RHCG: variants seen among roughly 807,000 people sequenced by gnomAD.
RHCG encodes the protein ammonium transporter Rh type C.
Under a neutral mutation model 55.3 loss-of-function variants are expected in RHCG, and 39 were observed. That is an observed-to-expected ratio of 0.70 (90% CI 0.55 to 0.92). The LOEUF (loss-of-function observed/expected upper bound fraction) is 0.92, where lower values mean the gene tolerates loss of function less well. Among genes scored for constraint, RHCG ranks in the 40% least tolerant of loss-of-function variants. The pLI is 0.00. For synonymous variants in RHCG, 250 were observed against 246.8 expected (o/e 1.01, Z -0.12); for missense variants, 635 against 627.9 (o/e 1.01, Z -0.12).
intron 3 of RHCG, 120 bp from the exon 4 acceptor site, chr15:89,480,528 G>T: frequency 8.4e-7 from 1 of 1,189,704 alleles, no homozygotes; most frequent in Non-Finnish European, 1.2e-6. Context: ...TCTTCAGGGT[G>T]CAGGATGGAG....
chr15:89,496,568 T>G lies in RHCG; in HGVS notation c.-24A>C, dbSNP rs769754990. 3.8e-6 allele frequency: 6 copies of G among 1,599,412 alleles called. No homozygotes were observed. The highest frequency in any genetic ancestry group is 5.1e-6 in the Non-Finnish European group (6 of 1,173,710). ...ATGCTGCAGGGGTGCCTGGCCGGGC[T>G]GGCAGCGGGCGGTTCGGACGCTCGG... On this transcript the variant is annotated 5_prime_UTR_variant, in exon 1 of 11. Coordinates refer to ENST00000268122, the MANE Select transcript of RHCG (RefSeq NM_016321.3).
At chr15:89,474,634 A>C (rs2141886024) in intron 9 of RHCG, among the ~76,000 whole-genome samples, 1 of 152,364 alleles carries the variant, frequency 6.6e-6, no homozygotes, top group Non-Finnish European at 1.5e-5. Flanking sequence ...GTGACATTCC[A>C]CCACTTTCAT....
At chr15:89,479,666 C>T (rs1318478605) in intron 4 of RHCG, 178 bp from the exon 5 acceptor site, 7 of 614,076 alleles carry the variant, frequency 1.1e-5, no homozygotes, top group Non-Finnish European at 1.4e-5. Context: ...GCCTTCCTTA[C>T]CCCCCACTTA....
intron 1 of RHCG, 27 bp from the exon 2 acceptor site, chr15:89,487,012 C>G (rs747339108): frequency 6.6e-7 from 1 of 1,520,864 alleles, no homozygotes; most frequent in Non-Finnish European, 8.9e-7. Flanking sequence ...GCCCGGGACT[C>G]GGTGGTCTGG....
chr15:89,475,016 T>TCCTTCCTTCCTGCCCG (rs1335449433), intron 9 of RHCG, among the ~76,000 whole-genome samples: 13 of 132,812 alleles, frequency 9.8e-5, no homozygotes, highest in African/African-American at 4.0e-4. Flanking sequence ...CTGCCCGCCT[T>TCCTTCCTTCCTGCCCG]CCTTCCTTCC....
chr15:89,492,224 C>G (rs1331628347), intron 1 of RHCG, among the ~76,000 whole-genome samples: 2 of 152,160 alleles, frequency 1.3e-5, no homozygotes, highest in African/African-American at 4.8e-5. Context: ...GCTGTTCTCC[C>G]TCTCCCCTTA....
intron 5 of RHCG, among the ~76,000 whole-genome samples, chr15:89,478,396 T>C (rs1961197919): frequency 6.6e-6 from 1 of 152,230 alleles, no homozygotes; most frequent in African/African-American, 2.4e-5. Flanking sequence ...GCTGTCTGAA[T>C]GCTAACCTGT....
chr15:89,473,797 C>A (rs1961083471), intron 9 of RHCG, among the ~76,000 whole-genome samples: 1 of 152,120 alleles, frequency 6.6e-6, no homozygotes, highest in African/African-American at 2.4e-5. Flanking sequence ...TGTAACCAAT[C>A]CCCTGAGGTT....
At chr15:89,486,749 G>A in intron 2 of RHCG, 50 bp downstream of exon 2, 1 of 1,546,240 alleles carries the variant, frequency 6.5e-7, no homozygotes, top group Non-Finnish European at 8.8e-7. Flanking sequence ...CACCTGCCCA[G>A]CCCCATCCCT....
At chr15:89,486,659 CCA>C in intron 2 of RHCG, 138 bp downstream of exon 2, 2 of 440,592 alleles carry the variant, frequency 4.5e-6, no homozygotes, top group Middle Eastern at 6.3e-4. Flanking sequence ...TCTCGCAAGC[CCA>C]GTGTGGCCCA....
chr15:89,496,249 TCCGCGGCTGCAGG>T, intron 1 of RHCG, 99 bp downstream of exon 1: 1 of 1,058,962 alleles, frequency 9.4e-7, no homozygotes, highest in Admixed American at 2.0e-5. Flanking sequence ...AGATGCGGAG[TCCGCGGCTGCAGG>T]GTAGATCCCC....
At position 89,472,843 on chromosome 15, in the gene RHCG, A is replaced by G; in HGVS notation, c.1332T>C (p.Thr444=). ...AGGTGGGGTCCTCAGGGATGTAGAC[A>G]GTGCTGTTCCCTTCAGGCATCTACA... ...VYWEMPEGNS[T]VYIPEDPTFK... The change falls in exon 10 of 11, where the codon ACT becomes ACC. Residue 444 remains threonine (T), a synonymous_variant. Coordinates refer to ENST00000268122, the MANE Select transcript of RHCG (RefSeq NM_016321.3). 1 of 1,509,456 alleles carries G rather than the reference A, an allele frequency of 6.6e-7. No individual in the cohort carries two copies. The highest frequency in any genetic ancestry group is 8.9e-7 in the Non-Finnish European group (1 of 1,121,996). The allele number at this position is 1,509,456 out of a possible 1,614,324, so 93.5% of individuals were successfully genotyped here.
chr15:89,486,791 G>A lies in RHCG; in HGVS notation c.371+8C>T, dbSNP rs780932313. Reference sequence around the variant, plus strand: ...CCGCCACGCCCCCGGGGCCCGCCCTGCGCTCACTTCTCCACGCCCACGACG... The same window carrying A: ...CCGCCACGCCCCCGGGGCCCGCCCTACGCTCACTTCTCCACGCCCACGACG... On this transcript the variant is annotated splice_region_variant and intron_variant, in intron 2 of 10. Transcript: ENST00000268122. 2.5e-6 allele frequency: 4 copies of A among 1,580,704 alleles called. No individual in the cohort carries two copies. The highest frequency in any genetic ancestry group is 3.5e-6 in the Non-Finnish European group (4 of 1,157,478).
At chr15:89,494,035 G>C (rs965464329) in intron 1 of RHCG, among the ~76,000 whole-genome samples, 2 of 152,070 alleles carry the variant, frequency 1.3e-5, no homozygotes, top group Admixed American at 1.3e-4. Flanking sequence ...ACTAGCAGGG[G>C]AAACTCAAGG....
chr15:89,496,316 C>T, intron 1 of RHCG, 45 bp downstream of exon 1: 1 of 1,604,482 alleles, frequency 6.2e-7, no homozygotes, highest in Non-Finnish European at 8.5e-7. Flanking sequence ...AGGTGGGGAC[C>T]GGCGCGGATA....
chr15:89,481,261 C>G (rs1961261860), intron 3 of RHCG, among the ~76,000 whole-genome samples: 1 of 152,166 alleles, frequency 6.6e-6, no homozygotes, highest in African/African-American at 2.4e-5. Flanking sequence ...ACCAGCCTGG[C>G]TAACATGGCG....
At chr15:89,487,086 G>C (rs1364939524) in intron 1 of RHCG, 101 bp from the exon 2 acceptor site, 2 of 1,090,630 alleles carry the variant, frequency 1.8e-6, no homozygotes, top group Non-Finnish European at 2.5e-6. Context: ...AGTCTTCCCC[G>C]CCACTGGCGC....
intron 5 of RHCG, 98 bp downstream of exon 5, chr15:89,479,224 G>T: frequency 3.9e-6 from 5 of 1,267,090 alleles, no homozygotes; most frequent in Non-Finnish European, 5.4e-6. Context: ...CTGCAAGATG[G>T]GTGTGATGAT....
rs76235200 is a variant in RHCG at position 89,473,923 on chromosome 15, C to T, written c.1312-1060G>A. Among the ~76,000 whole-genome samples, 1,316 of 152,304 alleles carry T rather than the reference C, an allele frequency of 8.6e-3. 21 individuals are homozygous for T. Among genetic ancestry groups the T allele is most frequent in the African/African-American group, 0.03 (1,251 of 41,554 alleles). On this transcript the variant is annotated intron_variant, in intron 9 of 10. Transcript: ENST00000268122. The stretch of plus-strand genomic sequence containing the variant: ...AACTTCTACATGGGGGAACTGATAA[C>T]ATTTCTGATTTATTTCGTTAGCGTA...
Sources: allele counts gnomAD v4.1 joint callset (sites outside exome capture counted in the v4.1 genomes callset), GRCh38; gene constraint gnomAD v4.1.1; transcripts MANE v1.5; gene names NCBI Gene and HGNC (gene_info 2026-07-23, HGNC 2026-07-21).